The following IFT81 variants were observed in gnomAD, a reference collection of about 807,000 sequenced individuals.
The protein encoded by IFT81 is intraflagellar transport 81, also known as intraflagellar transport protein 81 homolog.
Under a neutral mutation model 102.6 loss-of-function variants are expected in IFT81, and 72 were observed. The ratio of observed to expected loss-of-function variants is 0.70; its 90% CI spans 0.58 to 0.85. The LOEUF (loss-of-function observed/expected upper bound fraction) is 0.85. Ranked by LOEUF, IFT81 falls within the 40% of genes least tolerant of loss-of-function variation. The probability of loss-of-function intolerance (pLI) is 0.00; values close to 1 mark genes in which losing one functional copy is unlikely to be tolerated. For missense variants in IFT81, 723 were observed against 787.3 expected, an observed-to-expected ratio of 0.92 and a Z score of 0.98; for synonymous variants, 237 against 242.7, an observed-to-expected ratio of 0.98 and a Z score of 0.22.
chr12:110,217,716 C>G (rs1476025877), intron 18 of IFT81, among the ~76,000 whole-genome samples: 1 of 152,060 alleles, frequency 6.6e-6, no homozygotes, highest in African/African-American at 2.4e-5. Context: ...CGCGTGCCCC[C>G]ATGCCTGGCT....
At chr12:110,202,252 C>CATCA (rs1898321213) in intron 14 of IFT81, among the ~76,000 whole-genome samples, 1 of 152,116 alleles carries the variant, frequency 6.6e-6, no homozygotes, top group African/African-American at 2.4e-5. Flanking sequence ...TATATGTGGT[C>CATCA]CGTTGTGACT....
chr12:110,161,409 AAGTGCTGGTATTAC>A (rs1381627314), intron 10 of IFT81, among the ~76,000 whole-genome samples: 2 of 150,570 alleles, frequency 1.3e-5, no homozygotes, highest in Non-Finnish European at 2.9e-5. Flanking sequence ...TGGCCTCCCA[AAGTGCTGGTATTAC>A]AGGCGTGAGC....
At chr12:110,133,359 A>G (rs1379786123) in intron 5 of IFT81, among the ~76,000 whole-genome samples, 1 of 151,846 alleles carries the variant, frequency 6.6e-6, no homozygotes, top group Non-Finnish European at 1.5e-5. Context: ...ATGGTAGCTC[A>G]TGCCTGTAAT....
At chr12:110,191,416 C>G (rs937578405) in intron 13 of IFT81, among the ~76,000 whole-genome samples, 2 of 152,078 alleles carry the variant, frequency 1.3e-5, no homozygotes, top group African/African-American at 4.8e-5. Context: ...AGTGATCCAC[C>G]TGCCTCAGCC....
At chr12:110,163,737 T>C (rs1462852509) in intron 11 of IFT81, among the ~76,000 whole-genome samples, 2 of 151,030 alleles carry the variant, frequency 1.3e-5, no homozygotes. Flanking sequence ...TACCTCAGCC[T>C]CCTGAGTAGC....
chr12:110,171,189 T>C (rs545100498), intron 11 of IFT81, among the ~76,000 whole-genome samples: 66 of 151,852 alleles, frequency 4.3e-4, no homozygotes, highest in African/African-American at 1.5e-3. Context: ...TTCACTGTAA[T>C]AGAAGTGTAG....
rs556287046 is a variant in IFT81, at chr12:110,180,472, G to A, written c.1239G>A (p.Lys413=). 1.2e-6 allele frequency: 2 copies of A among 1,610,032 alleles called. No individual in the cohort carries two copies. The highest frequency in any genetic ancestry group is 1.3e-5 in the African/African-American group (1 of 74,948). The change falls in exon 12 of 19, where the codon AAG becomes AAA. Residue 413 remains lysine (K), a synonymous_variant. Coordinates refer to ENST00000242591, the MANE Select transcript of IFT81 (RefSeq NM_014055.4). ...KLRSKSTVFK[K]KHQIIAELKA... The stretch of plus-strand genomic sequence containing the variant: ...GAAGCAAGAGTACAGTTTTCAAAAA[G>A]AAGCATCAGATAATAGCTGAACTTA...
At chr12:110,211,175 CTTTTTTTTTTTT>C (rs796140785) in intron 18 of IFT81, among the ~76,000 whole-genome samples, 3,271 of 102,258 alleles carry the variant, frequency 0.032, 153 homozygotes, top group African/African-American at 0.11. Flanking sequence ...ATTAGGCTTT[CTTTTTTTTTTTT>C]TTTTTTTTTG....
chr12:110,167,237 A>G (rs1896486879), intron 11 of IFT81, among the ~76,000 whole-genome samples: 1 of 152,066 alleles, frequency 6.6e-6, no homozygotes, highest in Non-Finnish European at 1.5e-5. Flanking sequence ...CTTCCCCCCC[A>G]TTGTACTTTA....
chr12:110,191,117 A>T, intron 13 of IFT81, 69 bp downstream of exon 13: 6 of 1,324,230 alleles, frequency 4.5e-6, no homozygotes, highest in East Asian at 2.5e-5. Context: ...TGTTAGTTTT[A>T]TTTTCAGTGA....
chr12:110,177,798 A>T (rs1280075668), intron 11 of IFT81, among the ~76,000 whole-genome samples: 2 of 152,160 alleles, frequency 1.3e-5, no homozygotes, highest in Non-Finnish European at 2.9e-5. Flanking sequence ...ATTTGCTTTC[A>T]AAATTGGAAG....
intron 10 of IFT81, among the ~76,000 whole-genome samples, chr12:110,154,628 C>CAAAAAA (rs201856295): frequency 7.5e-5 from 4 of 53,512 alleles, no homozygotes; most frequent in African/African-American, 6.9e-5. Context: ...CTCTGTCTCA[C>CAAAAAA]AAAAAAAAAA....
At chr12:110,217,729 T>C (rs1372385071) in intron 18 of IFT81, among the ~76,000 whole-genome samples, 2 of 150,858 alleles carry the variant, frequency 1.3e-5, no homozygotes, top group South Asian at 4.2e-4. Context: ...GCCTGGCTAA[T>C]TTTTTTTTGT....
chr12:110,180,484 A>C lies in IFT81; in HGVS notation c.1251A>C (p.Ile417=), dbSNP rs150521700. 1.8e-4 allele frequency: 296 copies of C among 1,611,552 alleles called. 1 individual carries two copies. In the African/African-American group the frequency reaches 2.9e-3, roughly 16 times the overall value. ...KSTVFKKKHQ[I]IAELKAEFGL... ...CAGTTTTCAAAAAGAAGCATCAGAT[A>C]ATAGCTGAACTTAAAGCTGAATTCG... is the stretch of plus-strand genomic sequence containing the variant. Residue 417 remains isoleucine (I), a synonymous_variant, in exon 12 of 19, where the codon ATA becomes ATC. Coordinates refer to ENST00000242591, the MANE Select transcript of IFT81 (RefSeq NM_014055.4).
chr12:110,181,474 A>G (rs1897312085), intron 12 of IFT81, among the ~76,000 whole-genome samples: 1 of 152,218 alleles, frequency 6.6e-6, no homozygotes, highest in South Asian at 2.1e-4. Context: ...TTGTGACCAG[A>G]GAGCACACTC....
At chr12:110,181,562 A>AATT (rs1897314698) in intron 12 of IFT81, among the ~76,000 whole-genome samples, 1 of 152,172 alleles carries the variant, frequency 6.6e-6, no homozygotes, top group African/African-American at 2.4e-5. Flanking sequence ...TTTCATGTGC[A>AATT]GTGAAGAGAA....
intron 11 of IFT81, among the ~76,000 whole-genome samples, chr12:110,175,906 A>G (rs1019892557): frequency 6.6e-6 from 1 of 152,112 alleles, no homozygotes; most frequent in Non-Finnish European, 1.5e-5. Flanking sequence ...TCTATATTGC[A>G]TTTATTTATT....
intron 12 of IFT81, among the ~76,000 whole-genome samples, chr12:110,188,530 T>C (rs1897653006): frequency 6.6e-6 from 1 of 151,906 alleles, no homozygotes; most frequent in Admixed American, 6.6e-5. Context: ...ATCTTAACTC[T>C]TCTTCCATTC....
At chr12:110,196,288 G>A (rs1184739768) in intron 14 of IFT81, among the ~76,000 whole-genome samples, 1 of 152,076 alleles carries the variant, frequency 6.6e-6, no homozygotes, top group Non-Finnish European at 1.5e-5. Context: ...GGAGGCGAAG[G>A]CGGGTGGATC....
Sources: allele counts gnomAD v4.1 joint callset (sites outside exome capture counted in the v4.1 genomes callset), GRCh38; gene constraint gnomAD v4.1.1; transcripts MANE v1.5; gene names NCBI Gene and HGNC (gene_info 2026-07-23, HGNC 2026-07-21).